Variants in FGFR2 observed in about 807,000 individuals in gnomAD.
FGFR2 encodes the protein BEK fibroblast growth factor receptor.
A neutral mutation model predicts 95.9 loss-of-function variants in FGFR2; 19 were observed. The ratio of observed to expected loss-of-function variants is 0.20; its 90% CI spans 0.14 to 0.29. The LOEUF is 0.29. Ranked by LOEUF, FGFR2 falls within the 10% of genes least tolerant of loss-of-function variation. FGFR2 has a pLI of 1.00. For synonymous variants in FGFR2, 392 were observed against 393.3 expected, an observed-to-expected ratio of 1.00 and a Z score of 0.04; for missense variants, 707 against 1,056.9, an observed-to-expected ratio of 0.67 and a Z score of 4.59.
At chr10:121,577,425 G>A (rs540527595) in intron 2 of FGFR2, among the ~76,000 whole-genome samples, 1 of 151,984 alleles carries the variant, frequency 6.6e-6, no homozygotes. Flanking sequence ...GCCTAGCCAG[G>A]TCTTCTCAGT....
intron 4 of FGFR2, among the ~76,000 whole-genome samples, chr10:121,554,875 C>G (rs1450198030): frequency 1.3e-5 from 2 of 152,156 alleles, no homozygotes; most frequent in African/African-American, 2.4e-5. Context: ...AACTGCAAAA[C>G]AGCTGGAGAC....
chr10:121,573,102 A>G (rs1186349432), intron 2 of FGFR2, among the ~76,000 whole-genome samples: 4 of 152,258 alleles, frequency 2.6e-5, no homozygotes, highest in Admixed American at 2.6e-4. Flanking sequence ...TTGCCAAACC[A>G]GCGATAGCAG....
At chr10:121,533,350 A>G (rs563869611) in intron 6 of FGFR2, among the ~76,000 whole-genome samples, 10 of 152,296 alleles carry the variant, frequency 6.6e-5, no homozygotes, top group Non-Finnish European at 1.2e-4. Flanking sequence ...AGATCATGCC[A>G]CTGTACTCCA....
chr10:121,550,441 G>C (rs1371999543), intron 5 of FGFR2, among the ~76,000 whole-genome samples: 1 of 152,194 alleles, frequency 6.6e-6, no homozygotes, highest in African/African-American at 2.4e-5. Flanking sequence ...GCGGGCATCT[G>C]CAGGGAGACA....
Position 121,515,097 on chromosome 10 carries a change from TA to T in FGFR2, c.1287+19del, listed in dbSNP as rs747810557. On this transcript the variant is annotated intron_variant, in intron 9 of 17. Coordinates refer to ENST00000358487, the MANE Select transcript of FGFR2 (RefSeq NM_000141.5). The stretch of plus-strand genomic sequence containing the variant: ...GTCATGGGGGAGGAGTAAATTTCTT[TA>T]AACTCTTTATCTACTTTCTGTTACC... The T allele has an allele frequency of 1.6e-5, 25 of 1,612,446 alleles. No homozygotes were observed. Among genetic ancestry groups the T allele is most frequent in the Non-Finnish European group, 2.1e-5 (25 of 1,178,742 alleles).
chr10:121,577,162 T>TAG (rs1859963631), intron 2 of FGFR2, among the ~76,000 whole-genome samples: 1 of 8,960 alleles, frequency 1.1e-4, no homozygotes, highest in African/African-American at 5.4e-4. Context: ...AAAAAAAATA[T>TAG]ATATATATAT....
chr10:121,500,147 G>A (rs1374393726), intron 11 of FGFR2, among the ~76,000 whole-genome samples: 3 of 152,214 alleles, frequency 2.0e-5, no homozygotes, highest in Non-Finnish European at 2.9e-5. Context: ...ACTGCAGGAC[G>A]AATAAGTTAA....
intron 2 of FGFR2, among the ~76,000 whole-genome samples, chr10:121,586,486 C>G (rs777548491): frequency 5.9e-5 from 9 of 152,184 alleles, no homozygotes; most frequent in Non-Finnish European, 1.2e-4. Context: ...TGACTTGGTA[C>G]TGTCAAAAAG....
intron 4 of FGFR2, chr10:121,564,234 A>G: frequency 1.9e-6 from 1 of 516,516 alleles, no homozygotes; most frequent in Non-Finnish European, 3.5e-6. Context: ...GTCAAAGGGA[A>G]AAGGGAAAAT....
Position 121,496,565 on chromosome 10 carries a change from C to A in FGFR2, c.1830G>T (p.Leu610=). The change falls in exon 13 of 18, where the codon CTG becomes CTT. Residue 610 remains leucine (L), a synonymous_variant. Coordinates refer to ENST00000358487, the MANE Select transcript of FGFR2 (RefSeq NM_000141.5). ...FKDLVSCTYQ[L]ARGMEYLASQ... is the part of the protein sequence containing the mutation. Reference sequence around the variant, plus strand: ...AAGCCAAGTACTCCATGCCTCTGGCCAGCTGGTAGGTGCATGACACCAAGT... The same window carrying A: ...AAGCCAAGTACTCCATGCCTCTGGCAAGCTGGTAGGTGCATGACACCAAGT... 3 of 1,614,034 alleles carry A rather than the reference C, an allele frequency of 1.9e-6. No individual in the cohort carries two copies. Among genetic ancestry groups the A allele is most frequent in the Non-Finnish European group, 2.5e-6 (3 of 1,180,032 alleles).
intron 1 of FGFR2, among the ~76,000 whole-genome samples, chr10:121,597,323 G>A (rs1590144553): frequency 6.6e-6 from 1 of 152,244 alleles, no homozygotes; most frequent in Non-Finnish European, 1.5e-5. Flanking sequence ...AGAGCAGGCA[G>A]GCGAACTAGA....
At chr10:121,589,146 G>GC (rs1459932568) in intron 2 of FGFR2, among the ~76,000 whole-genome samples, 1 of 152,152 alleles carries the variant, frequency 6.6e-6, no homozygotes, top group African/African-American at 2.4e-5. Flanking sequence ...TTCCTACCTA[G>GC]CTTAACAGCC....
intron 2 of FGFR2, 82 bp from the exon 3 acceptor site, chr10:121,565,786 C>T (rs2135128552): frequency 6.5e-7 from 1 of 1,527,396 alleles, no homozygotes. Context: ...TCAGTGGAGG[C>T]CTGCTTATTC....
intron 17 of FGFR2, among the ~76,000 whole-genome samples, chr10:121,483,428 C>T (rs1845015439): frequency 6.6e-6 from 1 of 152,234 alleles, no homozygotes; most frequent in African/African-American, 2.4e-5. Context: ...CTCCCACATA[C>T]CCCGGACTGC....
chr10:121,565,047 G>C (rs978383909), intron 3 of FGFR2, among the ~76,000 whole-genome samples: 1 of 152,058 alleles, frequency 6.6e-6, no homozygotes, highest in African/African-American at 2.4e-5. Context: ...CACAAAGGGG[G>C]CCTGTTCTGT....
intron 7 of FGFR2, among the ~76,000 whole-genome samples, 179 bp downstream of exon 7, chr10:121,519,800 C>G (rs936096025): frequency 6.6e-6 from 1 of 152,210 alleles, no homozygotes; most frequent in Non-Finnish European, 1.5e-5. Context: ...CTCCATAGTT[C>G]CCTTCTGAAA....
intron 2 of FGFR2, among the ~76,000 whole-genome samples, chr10:121,593,413 C>T (rs1862961338): frequency 6.6e-6 from 1 of 152,150 alleles, no homozygotes; most frequent in Non-Finnish European, 1.5e-5. Flanking sequence ...CAAGGTTCAT[C>T]CCTTCCACAG....
Position 121,579,411 on chromosome 10 carries a change from T to G in FGFR2, c.110-13707A>C, listed in dbSNP as rs574159624. Among the ~76,000 whole-genome samples, 43 of 152,326 alleles carry G rather than the reference T, an allele frequency of 2.8e-4. 1 individual carries two copies. Among genetic ancestry groups the G allele is most frequent in the Admixed American group, 1.5e-3 (23 of 15,296 alleles). On this transcript the variant is annotated intron_variant, in intron 2 of 17. Transcript: ENST00000358487. ...GTGAGAGCCTCTATTCGCATTCCTCTGACTTCAAAACAGGTTTTCTTTCAA... is the reference window on the plus strand; with the variant it reads ...GTGAGAGCCTCTATTCGCATTCCTCGGACTTCAAAACAGGTTTTCTTTCAA...
At chr10:121,587,643 G>GA (rs1223436297) in intron 2 of FGFR2, among the ~76,000 whole-genome samples, 2 of 150,802 alleles carry the variant, frequency 1.3e-5, no homozygotes, top group African/African-American at 2.4e-5. Context: ...ACCAGCATAT[G>GA]AAAAAAAAAG....
Sources: gnomAD v4.1 joint callset for allele counts (sites outside exome capture counted in the v4.1 genomes callset) on GRCh38, gnomAD v4.1.1 for gene constraint, MANE v1.5 for transcripts, NCBI Gene and HGNC (gene_info 2026-07-23, HGNC 2026-07-21) for gene names.